Variants in ADNP2 observed in about 807,000 individuals in gnomAD.
ADNP2 encodes the protein ADNP homeobox 2.
Under a neutral mutation model 16.4 loss-of-function variants are expected in ADNP2, and 8 were observed. The observed-to-expected ratio is 0.49, with a 90% CI of 0.29 to 0.88. The LOEUF (loss-of-function observed/expected upper bound fraction) is 0.88. Ranked by LOEUF, ADNP2 falls within the 40% of genes least tolerant of loss-of-function variation. The pLI is 0.09. For missense variants in ADNP2, 1,397 were observed against 1,395.1 expected (o/e 1.00, Z -0.02); for synonymous variants, 637 against 545.8 (o/e 1.17, Z -2.33).
At position 80,132,691 on chromosome 18, in the gene ADNP2, T is replaced by G. The variant is rs565709820; in HGVS notation, c.109-412T>G. Among the ~76,000 whole-genome samples, 3 of 143,372 alleles carry G rather than the reference T, an allele frequency of 2.1e-5. No homozygotes were observed. The East Asian group carries it at 6.2e-4, about 29-fold the overall frequency. The allele number at this position is 143,372 out of a possible 152,430, so 94.1% of individuals were successfully genotyped here. A position where few individuals can be genotyped will look rare whatever the true frequency, so the allele number is the denominator to read the frequency against. On this transcript the variant is annotated intron_variant, in intron 2 of 3. Transcript: ENST00000262198. Reference sequence around the variant, plus strand: ...TCCCCTCTTCCTCCCCTCTCTCCTCTCCCCTCCCCTCTCCCCTCTCCCTCT... The same window carrying G: ...TCCCCTCTTCCTCCCCTCTCTCCTCGCCCCTCCCCTCTCCCCTCTCCCTCT...
chr18:80,129,626 A>G (rs935835942), intron 2 of ADNP2, among the ~76,000 whole-genome samples: 2 of 151,056 alleles, frequency 1.3e-5, no homozygotes, highest in African/African-American at 4.9e-5. Flanking sequence ...GTTCTACTGA[A>G]AGGCCCAGTT....
In ADNP2 at chr18:80,137,541, G is replaced by T. The variant is rs201138064; in HGVS notation, c.2128G>T (p.Val710Phe). 65 of 1,614,234 alleles carry T rather than the reference G, an allele frequency of 4.0e-5. No homozygotes were observed. In the East Asian group the frequency reaches 1.4e-3, roughly 34 times the overall value. Residue 710 changes from valine to phenylalanine, a missense_variant, in exon 4 of 4, where the codon GTC (valine) becomes TTC (phenylalanine). Transcript: ENST00000262198. This position sits in a 1 kb window ranked among gnomAD's most constrained non-coding sequence, Gnocchi z 4.2. ...NELFPSNVYQVHMEVAHKHSE... is the reference protein window; with the variant it reads ...NELFPSNVYQFHMEVAHKHSE... ...GCTCTTTCCGTCCAACGTCTACCAG[G>T]TCCACATGGAGGTAGCGCATAAGCA...
chr18:80,119,195 G>A (rs1176295144), intron 2 of ADNP2, among the ~76,000 whole-genome samples: 1 of 152,070 alleles, frequency 6.6e-6, no homozygotes, highest in Non-Finnish European at 1.5e-5. Context: ...CTTTTTCCAT[G>A]TGAAGTGCGT....
In ADNP2 at chr18:80,135,686, T is replaced by C. The variant is rs758888849; in HGVS notation, c.273T>C (p.His91=). 117 of 1,614,102 alleles carry C rather than the reference T, an allele frequency of 7.2e-5. No individual in the cohort carries two copies. The highest frequency in any genetic ancestry group is 9.2e-5 in the Non-Finnish European group (109 of 1,180,044). ...STKVLTSFKN[H]LHRYHEDEID... is the part of the protein sequence containing the mutation. ...AGGTGCTTACTTCATTCAAGAATCA[T>C]TTACATCGTTACCATGAAGATGAAA... is the stretch of plus-strand genomic sequence containing the variant. Residue 91 remains histidine, a synonymous_variant, in exon 4 of 4, where the codon CAT becomes CAC. Transcript: ENST00000262198.
intron 1 of ADNP2, among the ~76,000 whole-genome samples, chr18:80,115,844 C>T (rs1186944306): frequency 6.6e-6 from 1 of 152,064 alleles, no homozygotes; most frequent in Non-Finnish European, 1.5e-5. Flanking sequence ...GGCGCGACCT[C>T]GGCTCACTGC....
chr18:80,111,043 T>G (rs1274288621), intron 1 of ADNP2, among the ~76,000 whole-genome samples: 1 of 152,200 alleles, frequency 6.6e-6, no homozygotes, highest in Admixed American at 6.5e-5. Flanking sequence ...CCTCATAAGT[T>G]CACCAATAGC....
chr18:80,113,313 AAAG>A (rs2052369187), intron 1 of ADNP2, among the ~76,000 whole-genome samples: 1 of 152,316 alleles, frequency 6.6e-6, no homozygotes, highest in East Asian at 1.9e-4. Context: ...ATAACTTTGA[AAAG>A]AAATTTATCC....
intron 2 of ADNP2, among the ~76,000 whole-genome samples, chr18:80,129,012 C>G (rs577126231): frequency 2.4e-4 from 36 of 151,568 alleles, no homozygotes; most frequent in Non-Finnish European, 1.3e-4. Context: ...TTTCACTTTT[C>G]TCTGTTCTGT....
intron 2 of ADNP2, among the ~76,000 whole-genome samples, chr18:80,131,133 G>A (rs778701974): frequency 6.6e-5 from 10 of 152,110 alleles, no homozygotes; most frequent in Non-Finnish European, 8.8e-5. Context: ...GAAGTCAGCC[G>A]TTGAACCCCT....
intron 2 of ADNP2, among the ~76,000 whole-genome samples, chr18:80,122,402 G>A (rs534591822): frequency 1.3e-5 from 2 of 152,162 alleles, no homozygotes; most frequent in Non-Finnish European, 2.9e-5. Context: ...TTAGAACTTT[G>A]ATGAGGATTG....
At chr18:80,133,885 C>T (rs1298911724) in intron 3 of ADNP2, 1 of 152,100 alleles carries the variant, frequency 6.6e-6, no homozygotes, top group Non-Finnish European at 1.5e-5. Context: ...GGGCTGGAGT[C>T]CAGTGGCGTG....
At chr18:80,117,505 C>T in intron 1 of ADNP2, 25 bp from the exon 2 acceptor site, 1 of 1,448,448 alleles carries the variant, frequency 6.9e-7, no homozygotes, top group Non-Finnish European at 9.5e-7. Context: ...GTACTTATTA[C>T]AGTTTTGTTT....
chr18:80,133,079 C>CT (rs751676000), intron 2 of ADNP2, 24 bp from the exon 3 acceptor site: 378 of 1,465,930 alleles, frequency 2.6e-4, no homozygotes, highest in Non-Finnish European at 2.9e-4. Context: ...TACATAATCT[C>CT]TTTTTTTTCT....
At chr18:80,133,457 G>A (rs1397069028) in intron 3 of ADNP2, among the ~76,000 whole-genome samples, 1 of 152,214 alleles carries the variant, frequency 6.6e-6, no homozygotes. Flanking sequence ...ATTGCTGTAA[G>A]AAGGACGTTT....
At chr18:80,131,267 G>T (rs538149567) in intron 2 of ADNP2, among the ~76,000 whole-genome samples, 1 of 152,032 alleles carries the variant, frequency 6.6e-6, no homozygotes, top group African/African-American at 2.4e-5. Context: ...TTACCAATAC[G>T]CAGTGTGTTT....
In ADNP2 at chr18:80,117,171, T is replaced by G. The variant is rs75928827; in HGVS notation, c.-13-359T>G. ...ATGGTGTCCTTTGAAGCATAAAAAT[T>G]TTTAATTTTGGTGAAGTCCATACCT... On this transcript the variant is annotated intron_variant, in intron 1 of 3. Coordinates refer to ENST00000262198, the MANE Select transcript of ADNP2 (RefSeq NM_014913.4). 4.4e-4 allele frequency among the ~76,000 whole-genome samples: 67 copies of G among 152,314 alleles called. 2 individuals are homozygous for G. The East Asian group carries it at 0.012, about 28-fold the overall frequency.
chr18:80,136,854 A>G lies in ADNP2; in HGVS notation c.1441A>G (p.Met481Val). Reference sequence around the variant, plus strand: ...TTCTGGGGTTCTTCCTACTGGCCAGATGGTCCAGTCAGGAGTTCTCCCTGT... The same window carrying G: ...TTCTGGGGTTCTTCCTACTGGCCAGGTGGTCCAGTCAGGAGTTCTCCCTGT... ...ATSGVLPTGQ[M>V]VQSGVLPVGQ... The change falls in exon 4 of 4, where the codon ATG becomes GTG. Residue 481 changes from methionine (M) to valine (V), a missense_variant. Physicochemically the swap from Met to Val is conservative, Grantham distance 21. Coordinates refer to ENST00000262198, the MANE Select transcript of ADNP2 (RefSeq NM_014913.4). 1.2e-6 allele frequency: 2 copies of G among 1,613,974 alleles called. No individual in the cohort carries two copies. The highest frequency in any genetic ancestry group is 1.7e-6 in the Non-Finnish European group (2 of 1,179,956).
At chr18:80,111,442 G>A (rs2052356344) in intron 1 of ADNP2, among the ~76,000 whole-genome samples, 1 of 152,106 alleles carries the variant, frequency 6.6e-6, no homozygotes, top group Non-Finnish European at 1.5e-5. Flanking sequence ...TGGAGCTGAT[G>A]TAAACCCGGG....
intron 3 of ADNP2, 131 bp downstream of exon 3, chr18:80,133,323 C>A: frequency 1.3e-6 from 1 of 744,724 alleles, no homozygotes; most frequent in Non-Finnish European, 2.4e-6. Flanking sequence ...TGCAACCTTT[C>A]AGAGAAGTAG....
Sources: allele counts gnomAD v4.1 joint callset (sites outside exome capture counted in the v4.1 genomes callset), GRCh38; gene constraint gnomAD v4.1.1; non-coding constraint Gnocchi (gnomAD v3.1); transcripts MANE v1.5; gene names NCBI Gene and HGNC (gene_info 2026-07-23, HGNC 2026-07-21).